OSBPL11: variants seen among roughly 807,000 people sequenced by gnomAD.
OSBPL11 encodes oxysterol binding protein like 11.
A neutral mutation model predicts 84.4 loss-of-function variants in OSBPL11; 33 were observed. That is an observed-to-expected ratio of 0.39 (90% CI 0.30 to 0.52). The LOEUF (loss-of-function observed/expected upper bound fraction) is 0.52, where lower values mean the gene tolerates loss of function less well. Among genes scored for constraint, OSBPL11 ranks in the 20% least tolerant of loss-of-function variants. OSBPL11 has a pLI of 0.72. For missense variants in OSBPL11, 736 were observed against 901.1 expected (o/e 0.82, Z 2.35); for synonymous variants, 276 against 310.2 (o/e 0.89, Z 1.16).
chr3:125,574,900 A>G (rs1430585356), intron 5 of OSBPL11, among the ~76,000 whole-genome samples: 1 of 152,234 alleles, frequency 6.6e-6, no homozygotes, highest in African/African-American at 2.4e-5. Context: ...GGACAGACCA[A>G]TGGATTTTCA....
chr3:125,591,414 C>T (rs1936593380), intron 1 of OSBPL11, among the ~76,000 whole-genome samples: 1 of 152,204 alleles, frequency 6.6e-6, no homozygotes, highest in Non-Finnish European at 1.5e-5. Flanking sequence ...GTAGCACTCT[C>T]TAGTCCTCTT....
rs1408378565 is a variant in OSBPL11, at chr3:125,538,601, TTGG to T, written c.1871_1873del (p.Thr624del). On this transcript the variant is annotated inframe_deletion, in exon 11 of 13. Transcript: ENST00000296220. ...CCCTTGCACTCTGCATACCACAGTGTTGGTGATGTTGTGCTTTACTTCAGCTGT... is the reference window on the plus strand; with the variant it reads ...CCCTTGCACTCTGCATACCACAGTGTTGATGTTGTGCTTTACTTCAGCTGT... 6.2e-7 allele frequency: 1 copy of T among 1,612,076 alleles called. No homozygotes were observed. Among genetic ancestry groups the T allele is most frequent in the East Asian group, 2.2e-5 (1 of 44,794 alleles).
chr3:125,556,071 A>G (rs1281883235), intron 8 of OSBPL11, among the ~76,000 whole-genome samples: 3 of 152,206 alleles, frequency 2.0e-5, no homozygotes, highest in Admixed American at 6.5e-5. Flanking sequence ...GCTTCTTACA[A>G]ATCTTTCTGA....
intron 6 of OSBPL11, among the ~76,000 whole-genome samples, chr3:125,564,892 T>G (rs1243035183): frequency 6.6e-6 from 1 of 152,174 alleles, no homozygotes; most frequent in Non-Finnish European, 1.5e-5. Flanking sequence ...TGACCTCAGG[T>G]GATCTGCCTG....
rs944709220 is a variant in OSBPL11 at position 125,594,763 on chromosome 3, G to C, written c.38C>G (p.Ser13Trp). ...GGEPVSTMKVSESEGKLEGQA... is the reference protein window; with the variant it reads ...GGEPVSTMKVWESEGKLEGQA... The stretch of plus-strand genomic sequence containing the variant: ...GCCCTCCAGCTTTCCTTCGCTCTCC[G>C]AGACTTTCATTGTGGACACTGGTTC... The change falls in exon 1 of 13, where the codon TCG becomes TGG. Residue 13 changes from serine to tryptophan, a missense_variant. Around this residue, in one of 3 missense-constraint regions of OSBPL11, gnomAD observed 114 missense variants for 104.9 expected, o/e 1.09. Coordinates refer to ENST00000296220, the MANE Select transcript of OSBPL11 (RefSeq NM_022776.5). 2 of 1,614,026 alleles carry C rather than the reference G, an allele frequency of 1.2e-6. No individual in the cohort carries two copies. Among genetic ancestry groups the C allele is most frequent in the African/African-American group, 2.7e-5 (2 of 74,922 alleles).
intron 8 of OSBPL11, among the ~76,000 whole-genome samples, chr3:125,557,592 G>T (rs936759886): frequency 1.3e-5 from 2 of 151,544 alleles, no homozygotes; most frequent in African/African-American, 4.8e-5. Context: ...TGGCCAGGCT[G>T]GTCTCCAACT....
At chr3:125,573,014 T>TGC (rs1281797143) in intron 5 of OSBPL11, among the ~76,000 whole-genome samples, 124 of 148,810 alleles carry the variant, frequency 8.3e-4, no homozygotes, top group African/African-American at 2.8e-3. Flanking sequence ...ATATATAGTG[T>TGC]GTGTGTGTGT....
intron 5 of OSBPL11, among the ~76,000 whole-genome samples, chr3:125,572,986 T>C (rs1377472331): frequency 1.4e-5 from 2 of 148,120 alleles, no homozygotes; most frequent in Admixed American, 6.8e-5. Context: ...TATATATCTA[T>C]AGTAAGATAT....
At chr3:125,532,073 A>G in intron 11 of OSBPL11, 59 bp from the exon 12 acceptor site, 1 of 1,474,160 alleles carries the variant, frequency 6.8e-7, no homozygotes, top group South Asian at 1.3e-5. Flanking sequence ...ATTAAATAGA[A>G]TCAATACCCT....
At chr3:125,573,412 C>A (rs1449068106) in intron 5 of OSBPL11, among the ~76,000 whole-genome samples, 1 of 152,040 alleles carries the variant, frequency 6.6e-6, no homozygotes, top group Non-Finnish European at 1.5e-5. Flanking sequence ...ACTCACAGGG[C>A]ATGGCATAGT....
At chr3:125,557,719 A>C (rs1936012008) in intron 8 of OSBPL11, among the ~76,000 whole-genome samples, 1 of 151,804 alleles carries the variant, frequency 6.6e-6, no homozygotes, top group East Asian at 1.9e-4. Context: ...CATTCCATTA[A>C]ATGTTGTATA....
chr3:125,583,728 T>C (rs1327696168), intron 1 of OSBPL11, among the ~76,000 whole-genome samples: 2 of 152,050 alleles, frequency 1.3e-5, no homozygotes, highest in Non-Finnish European at 2.9e-5. Context: ...CTGTCTCTCT[T>C]TATTAAATAC....
At chr3:125,562,209 AT>A (rs1936088777) in intron 7 of OSBPL11, among the ~76,000 whole-genome samples, 1 of 152,194 alleles carries the variant, frequency 6.6e-6, no homozygotes, top group South Asian at 2.1e-4. Flanking sequence ...TAAGAAAAAA[AT>A]ATATTGCTTT....
At chr3:125,559,316 CTT>C (rs901401463) in intron 8 of OSBPL11, among the ~76,000 whole-genome samples, 36 of 152,160 alleles carry the variant, frequency 2.4e-4, no homozygotes, top group Non-Finnish European at 4.9e-4. Flanking sequence ...CCAATGGACT[CTT>C]TAATTTTGTT....
At chr3:125,550,370 G>GTC (rs1252918649) in intron 9 of OSBPL11, among the ~76,000 whole-genome samples, 5 of 108,576 alleles carry the variant, frequency 4.6e-5, no homozygotes, top group Admixed American at 2.9e-4. Context: ...GCTAGACCGT[G>GTC]TCACACACAC....
At chr3:125,558,201 C>CT (rs1280528770) in intron 8 of OSBPL11, among the ~76,000 whole-genome samples, 1 of 152,166 alleles carries the variant, frequency 6.6e-6, no homozygotes, top group African/African-American at 2.4e-5. Flanking sequence ...TCACAGCACA[C>CT]TTTTTTCAAA....
At chr3:125,579,166 T>G (rs775655257) in intron 3 of OSBPL11, 127 bp from the exon 4 acceptor site, 5 of 552,146 alleles carry the variant, frequency 9.1e-6, no homozygotes, top group Non-Finnish European at 1.5e-5. Context: ...CAAACTTCCC[T>G]GACTGGAGGG....
intron 5 of OSBPL11, among the ~76,000 whole-genome samples, chr3:125,570,700 TTC>T (rs1263974937): frequency 6.6e-6 from 1 of 152,094 alleles, no homozygotes; most frequent in African/African-American, 2.4e-5. Flanking sequence ...CCTGCACAAG[TTC>T]TCTCTCTTTG....
chr3:125,542,336 C>T (rs11916101), intron 10 of OSBPL11, among the ~76,000 whole-genome samples: 50,639 of 114,778 alleles, frequency 0.44, 10,248 homozygotes, highest in African/African-American at 0.68. Flanking sequence ...TCTTTTCTTT[C>T]TTTTTTTTTT....
Sources: gnomAD v4.1 joint callset for allele counts (sites outside exome capture counted in the v4.1 genomes callset) on GRCh38, gnomAD v4.1.1 for gene constraint, gnomAD v4.1.1 regional missense constraint, MANE v1.5 for transcripts, NCBI Gene and HGNC (gene_info 2026-07-23, HGNC 2026-07-21) for gene names.